SDK2: variants seen among roughly 807,000 people sequenced by gnomAD.
SDK2 encodes the protein sidekick cell adhesion molecule 2.
Under a neutral mutation model 253.9 loss-of-function variants are expected in SDK2, and 105 were observed. The ratio of observed to expected loss-of-function variants is 0.41; its 90% CI spans 0.35 to 0.49. SDK2 has a LOEUF of 0.49. Among genes scored for constraint, SDK2 ranks in the 20% least tolerant of loss-of-function variants. The pLI is 0.06. For missense variants in SDK2, 2,608 were observed against 3,003.0 expected, an observed-to-expected ratio of 0.87 and a Z score of 3.07; for synonymous variants, 1,249 against 1,234.9, an observed-to-expected ratio of 1.01 and a Z score of -0.24.
Position 73,588,207 on chromosome 17 carries a change from C to CA in SDK2, c.64+55817_64+55818insT, listed in dbSNP as rs370190252. Among the ~76,000 whole-genome samples, 761 of 142,726 alleles carry CA rather than the reference C, an allele frequency of 5.3e-3. 8 individuals carry two copies. The highest frequency in any genetic ancestry group is 0.019 in the African/African-American group (723 of 37,534). 93.6% of individuals were successfully genotyped at this position (142,726 alleles called of 152,430 possible). A position where few individuals can be genotyped will look rare whatever the true frequency, so the allele number is the denominator to read the frequency against. On this transcript the variant is annotated intron_variant, in intron 1 of 44. Coordinates refer to ENST00000392650, the MANE Select transcript of SDK2 (RefSeq NM_001144952.2). ...GACCAACATGGAGAGACCCCCCCCC[C>CA]TCCCCCGCCATCTCTACTAAAAATA... is the stretch of plus-strand genomic sequence containing the variant.
At position 73,620,957 on chromosome 17, in the gene SDK2, A is replaced by G. The variant is rs141326454; in HGVS notation, c.64+23068T>C. On this transcript the variant is annotated intron_variant, in intron 1 of 44. Coordinates refer to ENST00000392650, the MANE Select transcript of SDK2 (RefSeq NM_001144952.2). ...AGGTGATGGTTGCACAATATTGTGA[A>G]TGTACTCAACGCTACTGAATTATTC... Among the ~76,000 whole-genome samples the G allele has an allele frequency of 1.8e-3, 269 of 152,332 alleles. 1 individual carries two copies. Among genetic ancestry groups the G allele is most frequent in the African/African-American group, 6.2e-3 (259 of 41,580 alleles).
At chr17:73,601,345 A>G (rs765614520) in intron 1 of SDK2, among the ~76,000 whole-genome samples, 2 of 152,110 alleles carry the variant, frequency 1.3e-5, no homozygotes, top group Non-Finnish European at 2.9e-5. Flanking sequence ...GTTTAAGCAC[A>G]TGGACCCTTT....
At chr17:73,407,838 T>C (rs1048423974) in intron 18 of SDK2, among the ~76,000 whole-genome samples, 11 of 152,148 alleles carry the variant, frequency 7.2e-5, no homozygotes, top group African/African-American at 9.7e-5. Context: ...AACCAAAAAG[T>C]TGATAAAGGG....
At chr17:73,558,795 C>G (rs1231272750) in intron 1 of SDK2, among the ~76,000 whole-genome samples, 1 of 152,166 alleles carries the variant, frequency 6.6e-6, no homozygotes, top group Non-Finnish European at 1.5e-5. Flanking sequence ...GGAGGATGGG[C>G]TCTCAAATGG....
chr17:73,355,159 CAT>C (rs1555750469), intron 40 of SDK2, among the ~76,000 whole-genome samples: 5 of 48,626 alleles, frequency 1.0e-4, no homozygotes, highest in Non-Finnish European at 1.6e-4. Flanking sequence ...CCTACACCTC[CAT>C]ATATATATAT....
chr17:73,501,997 C>A (rs1165750669), intron 2 of SDK2, among the ~76,000 whole-genome samples: 1 of 152,058 alleles, frequency 6.6e-6, no homozygotes, highest in East Asian at 1.9e-4. Flanking sequence ...TTCACTCTGA[C>A]CCCAATGATG....
chr17:73,354,944 C>T (rs2062574059), intron 40 of SDK2, among the ~76,000 whole-genome samples: 1 of 151,576 alleles, frequency 6.6e-6, no homozygotes, highest in Non-Finnish European at 1.5e-5. Context: ...AGCAGAGGCG[C>T]CTCGACACCC....
At chr17:73,638,216 A>G (rs1217561712) in intron 1 of SDK2, among the ~76,000 whole-genome samples, 1 of 152,190 alleles carries the variant, frequency 6.6e-6, no homozygotes, top group East Asian at 1.9e-4. Flanking sequence ...GCCTCCAGTA[A>G]GCATTCATTC....
intron 3 of SDK2, among the ~76,000 whole-genome samples, chr17:73,466,502 C>A (rs936071567): frequency 2.0e-5 from 3 of 152,102 alleles, no homozygotes; most frequent in African/African-American, 7.2e-5. Context: ...ACGGTTACAC[C>A]CTGCCAGGCA....
At chr17:73,508,284 G>A (rs1441698454) in intron 1 of SDK2, among the ~76,000 whole-genome samples, 2 of 152,232 alleles carry the variant, frequency 1.3e-5, no homozygotes, top group Non-Finnish European at 2.9e-5. Flanking sequence ...ACTCAGCCTC[G>A]CAGACCTCCC....
In SDK2 at chr17:73,402,055, G is replaced by A. The variant is rs766276467; in HGVS notation, c.2571C>T (p.Phe857=). The change falls in exon 19 of 45, where the codon TTC becomes TTT. Residue 857 remains phenylalanine, a synonymous_variant. Coordinates refer to ENST00000392650, the MANE Select transcript of SDK2 (RefSeq NM_001144952.2). ...PNFQDSIHVG[F]VSGLKKFTEY... Reference sequence around the variant, plus strand: ...CGGTGAACTTCTTCAGGCCAGACACGAAGCCCACGTGGATGCTGTCTTGAA... The same window carrying A: ...CGGTGAACTTCTTCAGGCCAGACACAAAGCCCACGTGGATGCTGTCTTGAA... 7 of 1,613,898 alleles carry A rather than the reference G, an allele frequency of 4.3e-6. No homozygotes were observed. In the African/African-American group the frequency reaches 8.0e-5, roughly 18 times the overall value.
intron 1 of SDK2, among the ~76,000 whole-genome samples, chr17:73,527,805 C>T (rs528134350): frequency 2.0e-4 from 30 of 152,156 alleles, no homozygotes; most frequent in Non-Finnish European, 3.8e-4. Flanking sequence ...TGGTGGACTT[C>T]GTTTTCTTTT....
intron 44 of SDK2, among the ~76,000 whole-genome samples, chr17:73,343,441 G>A (rs1021503591): frequency 1.3e-5 from 2 of 152,274 alleles, no homozygotes; most frequent in Non-Finnish European, 2.9e-5. Flanking sequence ...AAGAAAGCGA[G>A]GGGGAGACCA....
rs1727554835 is a variant in SDK2, at chr17:73,507,445, C to G, written c.217G>C (p.Glu73Gln). 6.4e-7 allele frequency: 1 copy of G among 1,550,820 alleles called. No individual in the cohort carries two copies. Among genetic ancestry groups the G allele is most frequent in the Non-Finnish European group, 8.7e-7 (1 of 1,146,528 alleles). The change falls in exon 2 of 45, where the codon GAA (glutamate) becomes CAA (glutamine). Residue 73 changes from glutamate (E) to glutamine (Q), a missense_variant. Coordinates refer to ENST00000392650, the MANE Select transcript of SDK2 (RefSeq NM_001144952.2). ...NNRELTKFSLEYRYMITSLDR... is the reference protein window; with the variant it reads ...NNRELTKFSLQYRYMITSLDR... ...CGGGGAGGGGCAGTTTACCTGTATT[C>G]CAGGGAGAACTTGGTCAGCTCCCTG...
At chr17:73,523,078 G>T (rs1243880826) in intron 1 of SDK2, among the ~76,000 whole-genome samples, 1 of 152,204 alleles carries the variant, frequency 6.6e-6, no homozygotes, top group Non-Finnish European at 1.5e-5. Context: ...CGACGCAGAA[G>T]AGACCAAGGG....
intron 44 of SDK2, among the ~76,000 whole-genome samples, chr17:73,341,409 A>C (rs902695087): frequency 6.6e-6 from 1 of 151,984 alleles, no homozygotes; most frequent in Non-Finnish European, 1.5e-5. Flanking sequence ...TTGAGAGCTA[A>C]TAAGACAACA....
intron 1 of SDK2, among the ~76,000 whole-genome samples, chr17:73,546,954 C>T (rs1022962449): frequency 2.6e-5 from 4 of 152,216 alleles, no homozygotes; most frequent in Non-Finnish European, 4.4e-5. Flanking sequence ...CTCTTAGCCA[C>T]GTCCTTGTGC....
chr17:73,377,251 C>A (rs1186848538), intron 36 of SDK2, among the ~76,000 whole-genome samples: 1 of 145,698 alleles, frequency 6.9e-6, no homozygotes, highest in African/African-American at 2.6e-5. Context: ...CAGAGTCTTG[C>A]TCTGTTGTCC....
intron 4 of SDK2, among the ~76,000 whole-genome samples, chr17:73,454,764 C>T (rs1045101389): frequency 2.6e-5 from 4 of 152,122 alleles, no homozygotes; most frequent in African/African-American, 9.7e-5. Context: ...AGTGCAGTGG[C>T]CCGATCTCGG....
Sources: allele counts gnomAD v4.1 joint callset (sites outside exome capture counted in the v4.1 genomes callset), GRCh38; gene constraint gnomAD v4.1.1; transcripts MANE v1.5; gene names NCBI Gene and HGNC (gene_info 2026-07-23, HGNC 2026-07-21).